The following SCHIP1 variants were observed in gnomAD, a reference collection of about 807,000 sequenced individuals.
SCHIP1 encodes schwannomin interacting protein 1.
A neutral mutation model predicts 29.7 loss-of-function variants in SCHIP1; 8 were observed. The observed-to-expected ratio is 0.27, with a 90% CI of 0.16 to 0.49. SCHIP1 has a LOEUF of 0.49. Ranked by LOEUF, SCHIP1 falls within the 20% of genes least tolerant of loss-of-function variation. The pLI is 0.99. For synonymous variants in SCHIP1, 76 were observed against 94.9 expected (o/e 0.80, Z 1.16); for missense variants, 193 against 294.6 (o/e 0.66, Z 2.52).
chr3:159,402,649 G>A, the SCHIP1 span, among the ~76,000 whole-genome samples: 1 of 152,142 alleles, frequency 6.6e-6, no homozygotes, highest in Non-Finnish European at 1.5e-5. Flanking sequence ...GATGAAACTG[G>A]AAACCATCAT....
At chr3:159,764,672 G>GGGA in the SCHIP1 span, 2 of 1,590,862 alleles carry the variant, frequency 1.3e-6, no homozygotes, top group African/African-American at 1.3e-5. This position sits in a 1 kb window ranked among gnomAD's most constrained non-coding sequence, Gnocchi z 6.1. Context: ...GAGGAGGACG[G>GGGA]GGAGGAGGAG....
chr3:159,604,753 A>G, the SCHIP1 span, among the ~76,000 whole-genome samples: 1 of 152,252 alleles, frequency 6.6e-6, no homozygotes, highest in Non-Finnish European at 1.5e-5. Context: ...TATGTTATTG[A>G]CAGTTCATGT....
the SCHIP1 span, among the ~76,000 whole-genome samples, chr3:159,355,654 A>G: frequency 3.9e-5 from 6 of 151,976 alleles, no homozygotes; most frequent in Non-Finnish European, 4.4e-5. Context: ...AATAATATTG[A>G]TTCCTCCTGG....
chr3:159,464,272 T>C, the SCHIP1 span, among the ~76,000 whole-genome samples: 1 of 152,194 alleles, frequency 6.6e-6, no homozygotes, highest in Non-Finnish European at 1.5e-5. Flanking sequence ...CATCTCCAAA[T>C]TGATTTGTAG....
At chr3:159,847,919 G>A (rs1296919897) in intron 1 of SCHIP1, among the ~76,000 whole-genome samples, 2 of 152,142 alleles carry the variant, frequency 1.3e-5, no homozygotes, top group Non-Finnish European at 2.9e-5. Flanking sequence ...TTGAAAAGAG[G>A]TTATAAATCT....
the SCHIP1 span, among the ~76,000 whole-genome samples, chr3:159,778,594 G>A: frequency 6.6e-6 from 1 of 152,132 alleles, no homozygotes; most frequent in Non-Finnish European, 1.5e-5. Context: ...ATCCTCACAG[G>A]CTGTGACTTG....
At chr3:159,355,378 AC>A in the SCHIP1 span, among the ~76,000 whole-genome samples, 1 of 152,014 alleles carries the variant, frequency 6.6e-6, no homozygotes, top group African/African-American at 2.4e-5. Flanking sequence ...CTTGCATTGA[AC>A]CCCCCAACGC....
chr3:159,716,501 G>A, the SCHIP1 span, among the ~76,000 whole-genome samples: 9 of 152,164 alleles, frequency 5.9e-5, no homozygotes, highest in African/African-American at 1.9e-4. Context: ...GTATTCAGGA[G>A]ACCCCTCTCA....
chr3:159,509,603 T>G, the SCHIP1 span, among the ~76,000 whole-genome samples: 1 of 152,230 alleles, frequency 6.6e-6, no homozygotes, highest in Non-Finnish European at 1.5e-5. Context: ...CAGTGGCTGG[T>G]ACTGGTTGTT....
the SCHIP1 span, among the ~76,000 whole-genome samples, chr3:159,626,869 C>G: frequency 6.6e-6 from 1 of 152,094 alleles, no homozygotes; most frequent in Non-Finnish European, 1.5e-5. Context: ...CAGTCAGCTG[C>G]CATTTGACTG....
the SCHIP1 span, among the ~76,000 whole-genome samples, chr3:159,505,069 A>G: frequency 6.6e-6 from 1 of 152,174 alleles, no homozygotes; most frequent in East Asian, 1.9e-4. Context: ...GAAGAGAGCA[A>G]GGTGCGTTTG....
chr3:159,705,637 C>G, the SCHIP1 span, among the ~76,000 whole-genome samples: 25 of 152,262 alleles, frequency 1.6e-4, no homozygotes, highest in Admixed American at 4.6e-4. Context: ...ATCAGAAGAC[C>G]ATGCAGAATT....
At chr3:159,764,813 C>T in the SCHIP1 span, 1 of 1,583,646 alleles carries the variant, frequency 6.3e-7, no homozygotes. This position sits in a 1 kb window ranked among gnomAD's most constrained non-coding sequence, Gnocchi z 6.1. Flanking sequence ...GCCATGCCGC[C>T]CCCGGTGCCC....
At chr3:159,517,234 C>T in the SCHIP1 span, among the ~76,000 whole-genome samples, 4 of 152,026 alleles carry the variant, frequency 2.6e-5, no homozygotes, top group Admixed American at 1.3e-4. Flanking sequence ...TATACTGAGA[C>T]GAGCAATAAT....
chr3:159,583,942 C>T, the SCHIP1 span, among the ~76,000 whole-genome samples: 1 of 152,268 alleles, frequency 6.6e-6, no homozygotes, highest in Non-Finnish European at 1.5e-5. Context: ...CCCAGAAATG[C>T]ACAATTGCTC....
At chr3:159,622,085 A>G in the SCHIP1 span, among the ~76,000 whole-genome samples, 1 of 152,230 alleles carries the variant, frequency 6.6e-6, no homozygotes, top group Non-Finnish European at 1.5e-5. Context: ...AGGTGTAAAT[A>G]GTTCCAGAGA....
the SCHIP1 span, among the ~76,000 whole-genome samples, chr3:159,442,227 G>A: frequency 2.6e-5 from 4 of 152,162 alleles, no homozygotes; most frequent in South Asian, 8.3e-4. Flanking sequence ...ACTCACAGGA[G>A]GTATACTGGG....
At chr3:159,655,893 G>A in the SCHIP1 span, among the ~76,000 whole-genome samples, 1 of 151,874 alleles carries the variant, frequency 6.6e-6, no homozygotes, top group East Asian at 1.9e-4. Context: ...CGTCTCAGAA[G>A]AAAAAAAATA....
chr3:159,745,289 C>T, the SCHIP1 span, among the ~76,000 whole-genome samples: 2 of 152,170 alleles, frequency 1.3e-5, no homozygotes, highest in Admixed American at 6.5e-5. Flanking sequence ...GAACCTCTTC[C>T]AGTTGCCTCC....
Sources: gnomAD v4.1 joint callset for allele counts (sites outside exome capture counted in the v4.1 genomes callset) on GRCh38, gnomAD v4.1.1 for gene constraint, Gnocchi (gnomAD v3.1) non-coding constraint, MANE v1.5 for transcripts, NCBI Gene and HGNC (gene_info 2026-07-23, HGNC 2026-07-21) for gene names.